The following FMNL2 variants were observed in gnomAD, a reference collection of about 807,000 sequenced individuals.
FMNL2 encodes formin-like protein 2.
In FMNL2, 51 loss-of-function variants were observed where a neutral mutation model predicts 130.2. The ratio of observed to expected loss-of-function variants is 0.39; its 90% CI spans 0.31 to 0.49. FMNL2 has a LOEUF of 0.49. Ranked by LOEUF, FMNL2 falls within the 20% of genes least tolerant of loss-of-function variation. The pLI is 0.85. For synonymous variants in FMNL2, 465 were observed against 467.1 expected (o/e 1.00, Z 0.06); for missense variants, 977 against 1,316.2 (o/e 0.74, Z 3.99).
At chr2:152,464,205 A>G (rs974622798) in intron 1 of FMNL2, among the ~76,000 whole-genome samples, 13 of 152,168 alleles carry the variant, frequency 8.5e-5, no homozygotes, top group African/African-American at 3.1e-4. Context: ...TGGCCTCCCA[A>G]AGTGCTGGGA....
chr2:152,513,175 A>G (rs1014100818), intron 1 of FMNL2, among the ~76,000 whole-genome samples: 2 of 152,234 alleles, frequency 1.3e-5, no homozygotes, highest in African/African-American at 4.8e-5. Context: ...GAAATACATC[A>G]TTAGGCAATT....
chr2:152,604,322 G>A (rs2105832654), intron 9 of FMNL2, among the ~76,000 whole-genome samples: 1 of 151,026 alleles, frequency 6.6e-6, no homozygotes, highest in Non-Finnish European at 1.5e-5. Flanking sequence ...TCTCTGTGTA[G>A]GTCTAATTCA....
chr2:152,619,775 G>C, intron 15 of FMNL2, 57 bp downstream of exon 15: 1 of 1,560,620 alleles, frequency 6.4e-7, no homozygotes, highest in Non-Finnish European at 8.7e-7. Context: ...TCTTATCTCG[G>C]AGAGTTGAAG....
At chr2:152,471,002 C>T (rs924299105) in intron 1 of FMNL2, among the ~76,000 whole-genome samples, 2 of 152,134 alleles carry the variant, frequency 1.3e-5, no homozygotes, top group Non-Finnish European at 2.9e-5. Flanking sequence ...CATTGCTGTT[C>T]ATTTCTGTTA....
chr2:152,603,581 T>C (rs1006269818), intron 9 of FMNL2, among the ~76,000 whole-genome samples: 3 of 150,842 alleles, frequency 2.0e-5, no homozygotes, highest in Non-Finnish European at 3.0e-5. Context: ...GGGATCCTTA[T>C]CCACCATGAA....
chr2:152,403,719 C>T lies in FMNL2; in HGVS notation c.117+67999C>T, dbSNP rs568580571. Among the ~76,000 whole-genome samples the T allele has an allele frequency of 4.6e-4, 70 of 152,310 alleles. 1 individual carries two copies. Among genetic ancestry groups the T allele is most frequent in the Middle Eastern group, 3.4e-3 (1 of 294 alleles). ...GGTCTCAGCTCTGCTGCCCAATTCA[C>T]GTCACCTTTGTGACCCTGTTGTCTC... On this transcript the variant is annotated intron_variant, in intron 1 of 25. Transcript: ENST00000288670.
intron 1 of FMNL2, among the ~76,000 whole-genome samples, chr2:152,490,569 A>ATGTG (rs58838989): frequency 0.17 from 18,814 of 108,332 alleles, 2,127 homozygotes; most frequent in Admixed American, 0.27. Flanking sequence ...TTGCTATCCA[A>ATGTG]TGTGTGTGTG....
chr2:152,359,409 G>A (rs1432060152), intron 1 of FMNL2, among the ~76,000 whole-genome samples: 1 of 151,328 alleles, frequency 6.6e-6, no homozygotes, highest in East Asian at 1.9e-4. Flanking sequence ...GCTCCTAAGT[G>A]CCCAATCTTA....
intron 2 of FMNL2, among the ~76,000 whole-genome samples, chr2:152,530,064 T>G (rs1479235407): frequency 1.3e-5 from 2 of 152,094 alleles, no homozygotes; most frequent in Non-Finnish European, 2.9e-5. Flanking sequence ...GATCCCCCAC[T>G]CCCACCCCAC....
At chr2:152,428,715 C>G (rs1197373646) in intron 1 of FMNL2, among the ~76,000 whole-genome samples, 2 of 151,946 alleles carry the variant, frequency 1.3e-5, no homozygotes, top group African/African-American at 4.8e-5. Context: ...TATAGCAAAC[C>G]CTGTGTTTTG....
At chr2:152,452,424 A>G (rs886363436) in intron 1 of FMNL2, among the ~76,000 whole-genome samples, 67 of 152,222 alleles carry the variant, frequency 4.4e-4, no homozygotes, top group Non-Finnish European at 1.6e-4. Flanking sequence ...TTGGAAGTCT[A>G]GTCAGGGTTG....
At chr2:152,573,433 G>A (rs141051477) in intron 6 of FMNL2, among the ~76,000 whole-genome samples, 35 of 152,328 alleles carry the variant, frequency 2.3e-4, no homozygotes, top group Middle Eastern at 3.4e-3. Context: ...TGAGCAACTC[G>A]TGGAAAGTGA....
intron 1 of FMNL2, among the ~76,000 whole-genome samples, chr2:152,357,074 A>ATCACGATGAATATTACATCAGTTTAATG (rs1560293556): frequency 4.9e-5 from 5 of 101,164 alleles, no homozygotes; most frequent in African/African-American, 2.0e-4. Flanking sequence ...TAAGTTTAAT[A>ATCACGATGAATATTACATCAGTTTAATG]TATCACGATA....
intron 1 of FMNL2, among the ~76,000 whole-genome samples, chr2:152,345,723 A>C (rs999980751): frequency 1.3e-4 from 20 of 152,174 alleles, no homozygotes; most frequent in African/African-American, 4.8e-4. Context: ...GGATGCCATA[A>C]ACTTGGATTC....
chr2:152,454,503 A>C (rs1400312384), intron 1 of FMNL2, among the ~76,000 whole-genome samples: 5 of 152,226 alleles, frequency 3.3e-5, no homozygotes, highest in African/African-American at 1.2e-4. Context: ...CTTGTGAAAG[A>C]ACTGTTAAAA....
intron 1 of FMNL2, among the ~76,000 whole-genome samples, chr2:152,396,409 G>A (rs1685395951): frequency 6.6e-6 from 1 of 152,224 alleles, no homozygotes; most frequent in Non-Finnish European, 1.5e-5. Flanking sequence ...GGGCAGTCTT[G>A]TCATTGACCA....
chr2:152,497,143 C>T (rs1579812270), intron 1 of FMNL2, among the ~76,000 whole-genome samples: 1 of 152,290 alleles, frequency 6.6e-6, no homozygotes, highest in African/African-American at 2.4e-5. Flanking sequence ...GGTTCATTCT[C>T]ACTTTCCCCC....
intron 1 of FMNL2, among the ~76,000 whole-genome samples, chr2:152,346,664 C>T (rs369773919): frequency 2.6e-5 from 4 of 151,910 alleles, no homozygotes; most frequent in Non-Finnish European, 5.9e-5. Flanking sequence ...CTATCTCTAA[C>T]AACAAAAAAA....
intron 1 of FMNL2, among the ~76,000 whole-genome samples, chr2:152,491,419 A>G (rs966237197): frequency 6.6e-6 from 1 of 151,986 alleles, no homozygotes; most frequent in African/African-American, 2.4e-5. Flanking sequence ...GGATGCTGCT[A>G]TTTTCTATCC....
Sources: gnomAD v4.1 joint callset for allele counts (sites outside exome capture counted in the v4.1 genomes callset) on GRCh38, gnomAD v4.1.1 for gene constraint, MANE v1.5 for transcripts, NCBI Gene and HGNC (gene_info 2026-07-23, HGNC 2026-07-21) for gene names.